Variants in VPS13B observed in about 807,000 individuals in gnomAD.
The protein encoded by VPS13B is intermembrane lipid transfer protein VPS13B.
A neutral mutation model predicts 426.4 loss-of-function variants in VPS13B; 285 were observed. The ratio of observed to expected loss-of-function variants is 0.67; its 90% confidence interval spans 0.61 to 0.74. The LOEUF (loss-of-function observed/expected upper bound fraction) is 0.74, where lower values mean the gene tolerates loss of function less well. Ranked by LOEUF, VPS13B falls within the 30% of genes least tolerant of loss-of-function variation. VPS13B has a pLI of 0.00. For synonymous variants in VPS13B, 1,676 were observed against 1,676.4 expected (o/e 1.00, Z 0.01); for missense variants, 4,537 against 4,782.6 (o/e 0.95, Z 1.51).
intron 2 of VPS13B, among the ~76,000 whole-genome samples, chr8:99,028,927 C>T (rs1842330926): frequency 1.5e-5 from 2 of 129,190 alleles, no homozygotes; most frequent in Non-Finnish European, 3.3e-5. Flanking sequence ...CGGAGACGCT[C>T]CTCACTTCCC....
chr8:99,760,847 A>G (rs907979196), intron 39 of VPS13B, among the ~76,000 whole-genome samples: 3 of 152,204 alleles, frequency 2.0e-5, no homozygotes, highest in African/African-American at 7.2e-5. Flanking sequence ...CAGTGTAACA[A>G]CTATTTACAT....
chr8:99,724,423 G>A (rs987594534), intron 39 of VPS13B, among the ~76,000 whole-genome samples: 7 of 152,102 alleles, frequency 4.6e-5, no homozygotes, highest in African/African-American at 1.7e-4. Flanking sequence ...GAATTTCAGG[G>A]AGCTTATGAA....
At chr8:99,551,505 AT>A (rs1824281780) in intron 30 of VPS13B, among the ~76,000 whole-genome samples, 1 of 151,654 alleles carries the variant, frequency 6.6e-6, no homozygotes, top group Admixed American at 6.6e-5. Context: ...TTGGATTTTT[AT>A]TTGTATCTTC....
intron 39 of VPS13B, among the ~76,000 whole-genome samples, chr8:99,756,568 G>C (rs1302090558): frequency 6.6e-6 from 1 of 152,106 alleles, no homozygotes; most frequent in Non-Finnish European, 1.5e-5. Context: ...AAAAGACAAA[G>C]AATATTGAAA....
chr8:99,736,532 C>A (rs1833838876), intron 39 of VPS13B, among the ~76,000 whole-genome samples: 1 of 152,150 alleles, frequency 6.6e-6, no homozygotes, highest in Non-Finnish European at 1.5e-5. Context: ...TGGATCACAC[C>A]ACTGCATTCC....
At chr8:99,421,739 A>G (rs1422368424) in intron 21 of VPS13B, among the ~76,000 whole-genome samples, 2 of 152,058 alleles carry the variant, frequency 1.3e-5, no homozygotes, top group Non-Finnish European at 2.9e-5. Context: ...GTGCCGTGCC[A>G]TTAACTCAGC....
chr8:99,498,087 T>G (rs1358428090), intron 25 of VPS13B, among the ~76,000 whole-genome samples: 1 of 152,134 alleles, frequency 6.6e-6, no homozygotes, highest in Admixed American at 6.5e-5. Context: ...AATATTCATA[T>G]AAAAATGTCT....
At chr8:99,595,839 A>G (rs933199485) in intron 33 of VPS13B, among the ~76,000 whole-genome samples, 11 of 152,006 alleles carry the variant, frequency 7.2e-5, no homozygotes, top group Non-Finnish European at 1.5e-4. Flanking sequence ...CAATTTTTAA[A>G]TGGGCTCAAA....
intron 3 of VPS13B, among the ~76,000 whole-genome samples, chr8:99,071,047 G>A (rs1487364789): frequency 2.6e-5 from 4 of 152,128 alleles, no homozygotes; most frequent in Non-Finnish European, 1.5e-5. Flanking sequence ...TAGGTTCTCT[G>A]TCTGAAAGGT....
chr8:99,575,361 T>A (rs1825727870), intron 31 of VPS13B, among the ~76,000 whole-genome samples: 1 of 152,164 alleles, frequency 6.6e-6, no homozygotes. Context: ...GATATGAAAC[T>A]ATTTGCAAGA....
At chr8:99,044,853 T>TACACACACACACACACAC (rs60056711) in intron 3 of VPS13B, among the ~76,000 whole-genome samples, 14 of 139,792 alleles carry the variant, frequency 1.0e-4, no homozygotes, top group East Asian at 4.3e-4. Flanking sequence ...TTCCATTTTA[T>TACACACACACACACACAC]ACACACACAC....
chr8:99,354,672 A>G (rs1204860589), intron 19 of VPS13B, among the ~76,000 whole-genome samples: 1 of 152,092 alleles, frequency 6.6e-6, no homozygotes, highest in African/African-American at 2.4e-5. Context: ...AAAGTTATTA[A>G]AATACCAAGA....
intron 35 of VPS13B, chr8:99,697,732 C>T: frequency 1.6e-6 from 1 of 622,730 alleles, no homozygotes; most frequent in Non-Finnish European, 3.0e-6. Flanking sequence ...TGGGCCTGGC[C>T]TAGGGCGCGC....
intron 29 of VPS13B, among the ~76,000 whole-genome samples, chr8:99,520,604 T>C (rs1822328117): frequency 6.6e-6 from 1 of 152,072 alleles, no homozygotes. Flanking sequence ...TTGGCTTCAA[T>C]ATTACTTATA....
chr8:99,562,252 A>C (rs1824962814), intron 31 of VPS13B, among the ~76,000 whole-genome samples: 1 of 151,874 alleles, frequency 6.6e-6, no homozygotes, highest in South Asian at 2.1e-4. Flanking sequence ...CTTTGGAGAA[A>C]AGCTTATTTG....
intron 6 of VPS13B, among the ~76,000 whole-genome samples, chr8:99,112,554 A>G (rs1177410013): frequency 2.6e-5 from 4 of 151,968 alleles, no homozygotes; most frequent in African/African-American, 7.3e-5. Context: ...TTTTCCTTCT[A>G]TATTTGAATT....
intron 25 of VPS13B, among the ~76,000 whole-genome samples, chr8:99,482,145 C>T (rs1006643007): frequency 6.6e-6 from 1 of 152,098 alleles, no homozygotes; most frequent in Non-Finnish European, 1.5e-5. Flanking sequence ...TGTTCCGCTA[C>T]ACCTTTTTTG....
At chr8:99,710,711 T>C (rs1832675524) in intron 36 of VPS13B, among the ~76,000 whole-genome samples, 2 of 152,144 alleles carry the variant, frequency 1.3e-5, no homozygotes, top group South Asian at 4.1e-4. Context: ...TCACAAGCTC[T>C]TAATAAATAC....
intron 60 of VPS13B, chr8:99,871,220 G>T: frequency 1.5e-6 from 1 of 662,166 alleles, no homozygotes; most frequent in Non-Finnish European, 2.6e-6. Flanking sequence ...GGGAGAAAAG[G>T]AGCTAATAAG....
Sources: allele counts gnomAD v4.1 joint callset (sites outside exome capture counted in the v4.1 genomes callset), GRCh38; gene constraint gnomAD v4.1.1; transcripts MANE v1.5; gene names NCBI Gene and HGNC (gene_info 2026-07-23, HGNC 2026-07-21).